The following PRKCE variants were observed in gnomAD, a reference collection of about 807,000 sequenced individuals.
PRKCE encodes the protein protein kinase C epsilon.
PRKCE carries 16 observed loss-of-function variants against 85.4 expected under a neutral mutation model. The observed-to-expected ratio is 0.19, with a 90% CI of 0.13 to 0.28. The LOEUF (loss-of-function observed/expected upper bound fraction) is 0.28, where lower values mean the gene tolerates loss of function less well. Ranked by LOEUF, PRKCE falls within the 10% of genes least tolerant of loss-of-function variation. The pLI, the probability that PRKCE is intolerant of heterozygous loss-of-function variation, is 1.00. For missense variants in PRKCE, 573 were observed against 975.2 expected (o/e 0.59, Z 5.49); for synonymous variants, 388 against 371.5 (o/e 1.04, Z -0.51).
chr2:45,862,653 C>T lies in PRKCE; in HGVS notation c.412+19590C>T, dbSNP rs183468845. Among the ~76,000 whole-genome samples, 720 of 152,278 alleles carry T rather than the reference C, an allele frequency of 4.7e-3. 8 individuals carry two copies. The highest frequency in any genetic ancestry group is 0.016 in the African/African-American group (671 of 41,546). ...TTCTGGGAAACCAATTGCCAAGTTACCCTACAGATCACGGGAACCAGGTCA... is the reference window on the plus strand; with the variant it reads ...TTCTGGGAAACCAATTGCCAAGTTATCCTACAGATCACGGGAACCAGGTCA... On this transcript the variant is annotated intron_variant, in intron 2 of 14. Coordinates refer to ENST00000306156, the MANE Select transcript of PRKCE (RefSeq NM_005400.3).
chr2:45,711,395 C>T (rs1227792795), intron 1 of PRKCE, among the ~76,000 whole-genome samples: 1 of 152,212 alleles, frequency 6.6e-6, no homozygotes, highest in Non-Finnish European at 1.5e-5. Context: ...CTACCTATGA[C>T]CTGGGTGACC....
intron 11 of PRKCE, among the ~76,000 whole-genome samples, chr2:46,122,534 T>C (rs983403409): frequency 6.6e-6 from 1 of 152,214 alleles, no homozygotes; most frequent in South Asian, 2.1e-4. Flanking sequence ...AGCCCACTTA[T>C]AGGTCTCTTT....
At chr2:45,695,907 T>A (rs7586089) in intron 1 of PRKCE, among the ~76,000 whole-genome samples, 3,224 of 152,298 alleles carry the variant, frequency 0.021, 117 homozygotes, top group African/African-American at 0.074. Context: ...TACACATCAG[T>A]GGTTAGAATA....
chr2:45,870,368 T>A (rs184633654), intron 2 of PRKCE, among the ~76,000 whole-genome samples: 1 of 152,186 alleles, frequency 6.6e-6, no homozygotes, highest in Non-Finnish European at 1.5e-5. Context: ...AGCAGCACGC[T>A]CCAGTGTTTG....
At chr2:45,889,523 T>C (rs896216736) in intron 2 of PRKCE, among the ~76,000 whole-genome samples, 1 of 151,872 alleles carries the variant, frequency 6.6e-6, no homozygotes. Context: ...CAAATCCTTT[T>C]TGAAGTTTCT....
At chr2:45,655,994 G>A (rs968761514) in intron 1 of PRKCE, among the ~76,000 whole-genome samples, 4 of 152,008 alleles carry the variant, frequency 2.6e-5, no homozygotes, top group African/African-American at 7.2e-5. Context: ...CATGGCCACC[G>A]CAGGAATAAA....
intron 14 of PRKCE, among the ~76,000 whole-genome samples, chr2:46,170,123 T>C (rs1232262862): frequency 6.6e-6 from 1 of 152,192 alleles, no homozygotes; most frequent in African/African-American, 2.4e-5. Context: ...TTCTGATGCA[T>C]TTGAAAAATG....
chr2:45,810,937 G>A (rs1460509553), intron 1 of PRKCE, among the ~76,000 whole-genome samples: 3 of 152,204 alleles, frequency 2.0e-5, no homozygotes, highest in African/African-American at 7.2e-5. Context: ...CATCATTTTT[G>A]TCCATTTCAA....
At chr2:46,091,418 C>T (rs1186350359) in intron 11 of PRKCE, among the ~76,000 whole-genome samples, 1 of 152,194 alleles carries the variant, frequency 6.6e-6, no homozygotes, top group East Asian at 1.9e-4. Flanking sequence ...CTCCCTCTGT[C>T]CCCATGTCAT....
chr2:45,985,269 G>A (rs1330952212), intron 6 of PRKCE, among the ~76,000 whole-genome samples: 13 of 152,180 alleles, frequency 8.5e-5, no homozygotes, highest in African/African-American at 2.4e-4. Flanking sequence ...TGACTCTCGC[G>A]TCCTCAGTTC....
chr2:46,109,019 T>G (rs1302742194), intron 11 of PRKCE, among the ~76,000 whole-genome samples: 1 of 152,190 alleles, frequency 6.6e-6, no homozygotes, highest in Non-Finnish European at 1.5e-5. Flanking sequence ...TATTTGAGTC[T>G]ATTTTGAGGC....
intron 2 of PRKCE, chr2:45,845,846 G>A (rs1048974410): frequency 2.0e-5 from 3 of 152,174 alleles, no homozygotes; most frequent in Admixed American, 2.0e-4. Context: ...AGGGGGTCAG[G>A]CTAGATGACA....
At chr2:45,914,770 T>G (rs1200637979) in intron 2 of PRKCE, among the ~76,000 whole-genome samples, 1 of 152,188 alleles carries the variant, frequency 6.6e-6, no homozygotes, top group Non-Finnish European at 1.5e-5. Context: ...TTGGCATACA[T>G]AGGAAGTAAT....
intron 1 of PRKCE, among the ~76,000 whole-genome samples, chr2:45,730,650 G>A (rs1374563094): frequency 4.0e-5 from 6 of 151,682 alleles, no homozygotes; most frequent in Admixed American, 3.9e-4. Flanking sequence ...AGTACAGACA[G>A]GGTTTCACCC....
At chr2:46,058,617 A>C (rs1193056062) in intron 10 of PRKCE, among the ~76,000 whole-genome samples, 2 of 152,074 alleles carry the variant, frequency 1.3e-5, no homozygotes, top group African/African-American at 2.4e-5. Flanking sequence ...GTGTCGGACT[A>C]CTCACCATCA....
chr2:45,780,146 A>G (rs1323729152), intron 1 of PRKCE, among the ~76,000 whole-genome samples: 1 of 152,236 alleles, frequency 6.6e-6, no homozygotes, highest in Non-Finnish European at 1.5e-5. Context: ...TCAAATAGCT[A>G]ATTAGTGTTC....
chr2:45,672,852 C>G (rs1676241909), intron 1 of PRKCE, among the ~76,000 whole-genome samples: 1 of 152,008 alleles, frequency 6.6e-6, no homozygotes, highest in African/African-American at 2.4e-5. Context: ...TAGTAAGAGC[C>G]AGTCTCTAAA....
intron 1 of PRKCE, among the ~76,000 whole-genome samples, chr2:45,672,396 A>T (rs540723632): frequency 1.2e-3 from 186 of 152,050 alleles, no homozygotes; most frequent in African/African-American, 4.4e-3. Flanking sequence ...CCATCCATCC[A>T]TCTATGTATC....
intron 2 of PRKCE, among the ~76,000 whole-genome samples, chr2:45,949,233 T>C (rs893681377): frequency 6.6e-6 from 1 of 152,256 alleles, no homozygotes; most frequent in African/African-American, 2.4e-5. Flanking sequence ...CCACCGGCAG[T>C]ATGCAAGAGT....
Sources: allele counts gnomAD v4.1 joint callset (sites outside exome capture counted in the v4.1 genomes callset), GRCh38; gene constraint gnomAD v4.1.1; transcripts MANE v1.5; gene names NCBI Gene and HGNC (gene_info 2026-07-23, HGNC 2026-07-21).